GPHN: variants seen among roughly 807,000 people sequenced by gnomAD.
The protein encoded by GPHN is gephyrin.
A neutral mutation model predicts 95.5 loss-of-function variants in GPHN; 17 were observed. The observed-to-expected ratio is 0.18, with a 90% confidence interval of 0.12 to 0.27. The LOEUF is 0.27. Among genes scored for constraint, GPHN ranks in the 10% least tolerant of loss-of-function variants. The pLI is 1.00. For missense variants in GPHN, 660 were observed against 978.1 expected, an observed-to-expected ratio of 0.67 and a Z score of 4.34; for synonymous variants, 320 against 322.5, an observed-to-expected ratio of 0.99 and a Z score of 0.08.
At chr14:66,539,713 G>T (rs1178043280) in intron 1 of GPHN, among the ~76,000 whole-genome samples, 1 of 152,058 alleles carries the variant, frequency 6.6e-6, no homozygotes, top group Non-Finnish European at 1.5e-5. Flanking sequence ...GAGCCACCAC[G>T]CCCAGCCTGC....
the GPHN span, among the ~76,000 whole-genome samples, chr14:67,258,464 A>G: frequency 6.6e-6 from 1 of 152,056 alleles, no homozygotes; most frequent in East Asian, 2.0e-4. Context: ...ACTGTTGTCC[A>G]GGCTGGAGGG....
chr14:67,178,358 T>C (rs890257652), intron 21 of GPHN, among the ~76,000 whole-genome samples: 6 of 152,228 alleles, frequency 3.9e-5, no homozygotes, highest in Non-Finnish European at 7.3e-5. Flanking sequence ...GGGTTGAAAA[T>C]TCTTTTCTTT....
At chr14:66,572,143 T>C (rs1345296816) in intron 1 of GPHN, among the ~76,000 whole-genome samples, 2 of 152,244 alleles carry the variant, frequency 1.3e-5, no homozygotes, top group African/African-American at 4.8e-5. Context: ...TACCATGCTG[T>C]TTTGATTACT....
the GPHN span, among the ~76,000 whole-genome samples, chr14:67,245,542 G>C: frequency 1.3e-5 from 2 of 151,534 alleles, no homozygotes; most frequent in Non-Finnish European, 2.9e-5. Context: ...TTAGGGATGG[G>C]GTCTCACTAT....
At chr14:67,685,001 GAT>G in the GPHN span, 1 of 1,593,972 alleles carries the variant, frequency 6.3e-7, no homozygotes, top group East Asian at 2.2e-5. Flanking sequence ...TGCAAAAAGA[GAT>G]AACATTCATA....
chr14:66,707,691 T>G (rs1309345360), intron 2 of GPHN, among the ~76,000 whole-genome samples: 1 of 150,988 alleles, frequency 6.6e-6, no homozygotes, highest in East Asian at 1.9e-4. Flanking sequence ...TTAGGGAACT[T>G]AAAGGATGGG....
At chr14:67,364,611 C>T in the GPHN span, 8 of 686,542 alleles carry the variant, frequency 1.2e-5, no homozygotes, top group Admixed American at 3.5e-5. Flanking sequence ...TATCTGTTTT[C>T]TGGTACCACT....
intron 1 of GPHN, among the ~76,000 whole-genome samples, chr14:66,611,334 G>T (rs540271168): frequency 9.6e-4 from 146 of 152,138 alleles, no homozygotes; most frequent in Admixed American, 2.7e-3. Flanking sequence ...TGGTGGTAGG[G>T]GCTGGAACAA....
intron 1 of GPHN, among the ~76,000 whole-genome samples, chr14:66,675,480 T>G (rs901752005): frequency 1.3e-5 from 2 of 152,150 alleles, no homozygotes; most frequent in Non-Finnish European, 2.9e-5. Flanking sequence ...TTTGATGGGT[T>G]GTGTGAGTTC....
chr14:67,635,485 G>A, the GPHN span, among the ~76,000 whole-genome samples: 1 of 152,154 alleles, frequency 6.6e-6, no homozygotes, highest in African/African-American at 2.4e-5. Context: ...TAGTAACATT[G>A]CAACTTTATT....
intron 8 of GPHN, among the ~76,000 whole-genome samples, chr14:66,939,962 G>A (rs1186757290): frequency 1.3e-5 from 2 of 152,144 alleles, no homozygotes; most frequent in Non-Finnish European, 2.9e-5. Flanking sequence ...ACAAGGGGCA[G>A]GTGAGGACAG....
At chr14:67,085,443 C>G (rs1447821644) in intron 11 of GPHN, among the ~76,000 whole-genome samples, 1 of 152,156 alleles carries the variant, frequency 6.6e-6, no homozygotes, top group East Asian at 1.9e-4. Context: ...TCAGAGTGGT[C>G]AAATAATTCA....
chr14:67,333,212 C>G, the GPHN span: 1 of 329,532 alleles, frequency 3.0e-6, no homozygotes, highest in Non-Finnish European at 5.6e-6. Flanking sequence ...TTCAACAGAG[C>G]ATTCCATTTT....
chr14:66,915,703 T>C (rs1363407518), intron 5 of GPHN, among the ~76,000 whole-genome samples: 1 of 152,170 alleles, frequency 6.6e-6, no homozygotes, highest in Non-Finnish European at 1.5e-5. Flanking sequence ...GTATAAAATA[T>C]GAAGAAGCTG....
At chr14:67,474,344 G>T in the GPHN span, among the ~76,000 whole-genome samples, 1 of 151,942 alleles carries the variant, frequency 6.6e-6, no homozygotes. Context: ...ATGCTACTTA[G>T]AGGGAGGTGT....
chr14:66,834,705 T>A (rs1213111750), intron 4 of GPHN, among the ~76,000 whole-genome samples: 4 of 151,934 alleles, frequency 2.6e-5, no homozygotes, highest in Admixed American at 1.3e-4. Context: ...AGGGTATTGG[T>A]CTAAAATTCT....
the GPHN span, among the ~76,000 whole-genome samples, chr14:67,625,192 G>A: frequency 1.2e-4 from 18 of 151,918 alleles, no homozygotes; most frequent in East Asian, 3.3e-3. Context: ...CACCATATAT[G>A]AAAATTAACT....
At chr14:66,786,089 C>T (rs1566943563) in intron 3 of GPHN, among the ~76,000 whole-genome samples, 1 of 142,450 alleles carries the variant, frequency 7.0e-6, no homozygotes, top group Non-Finnish European at 1.6e-5. Context: ...AAACAATAGT[C>T]AGTAAAATAA....
At chr14:66,979,682 G>A (rs192095509) in intron 9 of GPHN, among the ~76,000 whole-genome samples, 18 of 152,278 alleles carry the variant, frequency 1.2e-4, no homozygotes, top group East Asian at 9.6e-4. Context: ...GTTCACTGGC[G>A]TACCACTTTA....
Sources: allele counts gnomAD v4.1 joint callset (sites outside exome capture counted in the v4.1 genomes callset), GRCh38; gene constraint gnomAD v4.1.1; transcripts MANE v1.5; gene names NCBI Gene and HGNC (gene_info 2026-07-23, HGNC 2026-07-21).